The following DLC1 variants were observed in gnomAD, a reference collection of about 807,000 sequenced individuals.
DLC1 encodes the protein rho GTPase-activating protein 7.
Under a neutral mutation model 140.3 loss-of-function variants are expected in DLC1, and 54 were observed. The observed-to-expected ratio is 0.38, with a 90% CI of 0.31 to 0.48. The LOEUF (loss-of-function observed/expected upper bound fraction) is 0.48, where lower values mean the gene tolerates loss of function less well. DLC1 is among the 20% of genes least tolerant of loss of function. The probability of loss-of-function intolerance (pLI) is 0.96; values close to 1 mark genes in which losing one functional copy is unlikely to be tolerated. For missense variants in DLC1, 2,536 were observed against 1,907.0 expected (o/e 1.33, Z -6.14); for synonymous variants, 986 against 728.1 (o/e 1.35, Z -5.70).
At chr8:13,276,539 C>T in intron 5 of DLC1, 1 of 1,289,314 alleles carries the variant, frequency 7.8e-7, no homozygotes, top group Non-Finnish European at 9.8e-7. Flanking sequence ...CCCCGGGAAG[C>T]GCCAACTGCA....
intron 4 of DLC1, among the ~76,000 whole-genome samples, chr8:13,369,302 C>G (rs544047326): frequency 6.9e-6 from 1 of 145,722 alleles, no homozygotes; most frequent in Non-Finnish European, 1.5e-5. Flanking sequence ...TTCTATTTAA[C>G]CTATTGATAC....
intron 5 of DLC1, among the ~76,000 whole-genome samples, chr8:13,180,717 A>G (rs1311499152): frequency 6.6e-6 from 1 of 152,216 alleles, no homozygotes; most frequent in African/African-American, 2.4e-5. Flanking sequence ...TAACATGCCT[A>G]TATAATCCTA....
intron 5 of DLC1, among the ~76,000 whole-genome samples, chr8:13,144,423 T>C (rs1194481934): frequency 1.3e-5 from 2 of 152,142 alleles, no homozygotes; most frequent in Non-Finnish European, 2.9e-5. Flanking sequence ...GGATGGTGTA[T>C]TATGGGACTT....
chr8:13,443,657 CAAAAAAAA>C (rs11321891), intron 2 of DLC1, among the ~76,000 whole-genome samples: 2 of 67,034 alleles, frequency 3.0e-5, no homozygotes, highest in African/African-American at 9.1e-5. Context: ...GACTCCGTCT[CAAAAAAAA>C]AAAAAAAAAA....
At chr8:13,186,696 G>T (rs577791164) in intron 5 of DLC1, among the ~76,000 whole-genome samples, 1 of 152,292 alleles carries the variant, frequency 6.6e-6, no homozygotes, top group African/African-American at 2.4e-5. Context: ...TCCGTTGCTG[G>T]CAAGGAGCTG....
Position 13,567,280 on chromosome 8 carries a change from A to G in DLC1, c.-126+37257T>C, listed in dbSNP as rs1018435318. 7.7e-6 allele frequency: 12 copies of G among 1,551,610 alleles called. No homozygotes were observed. The African/African-American group carries it at 1.1e-4, about 14-fold the overall frequency. On this transcript the variant is annotated intron_variant, in intron 1 of 1. Coordinates refer to the DLC1 transcript ENST00000631382. ...CAACTACCTCAAGCTCAAAGACTCT[A>G]ACTTTGAACGGCACCAACCAGACAC...
chr8:13,088,445 G>A (rs369956211), intron 16 of DLC1, 42 bp downstream of exon 16: 13 of 1,596,248 alleles, frequency 8.1e-6, no homozygotes, highest in Admixed American at 1.7e-5. Context: ...GTTCATATAT[G>A]GAGTCATCCT....
intron 1 of DLC1, among the ~76,000 whole-genome samples, chr8:13,557,099 C>G (rs527582257): frequency 6.6e-5 from 10 of 152,168 alleles, no homozygotes; most frequent in Non-Finnish European, 1.3e-4. Context: ...TGCTGGGGAA[C>G]TCTGAATGTT....
chr8:13,147,409 C>T (rs904999583), intron 5 of DLC1, among the ~76,000 whole-genome samples: 3 of 152,304 alleles, frequency 2.0e-5, no homozygotes, highest in Middle Eastern at 3.4e-3. Context: ...ATCCCAGTAG[C>T]TTGTGTTCCT....
At chr8:13,194,192 A>T (rs59201083) in intron 5 of DLC1, among the ~76,000 whole-genome samples, 68,677 of 152,078 alleles carry the variant, frequency 0.45, 16,177 homozygotes, top group East Asian at 0.84. Flanking sequence ...TTTTCCAGTA[A>T]ACTAAGGTCC....
At chr8:13,355,685 A>T (rs576461686) in intron 4 of DLC1, among the ~76,000 whole-genome samples, 1 of 152,312 alleles carries the variant, frequency 6.6e-6, no homozygotes, top group African/African-American at 2.4e-5. Context: ...AGTTCATTCC[A>T]TTGCACAATC....
chr8:13,325,060 A>T (rs1354024465), intron 4 of DLC1, among the ~76,000 whole-genome samples: 1 of 152,240 alleles, frequency 6.6e-6, no homozygotes, highest in African/African-American at 2.4e-5. Flanking sequence ...TAGAAAACAG[A>T]TATAACAAAG....
intron 1 of DLC1, among the ~76,000 whole-genome samples, chr8:13,550,061 T>A (rs140761171): frequency 6.3e-4 from 96 of 152,242 alleles, no homozygotes; most frequent in African/African-American, 2.3e-3. Flanking sequence ...CAGGCAACTA[T>A]CCTTACAATA....
intron 5 of DLC1, among the ~76,000 whole-genome samples, chr8:13,242,282 T>C (rs964368135): frequency 2.0e-5 from 3 of 152,182 alleles, no homozygotes; most frequent in Non-Finnish European, 4.4e-5. Flanking sequence ...GAGGAGTCTA[T>C]ATTTATTGTC....
At chr8:13,191,963 A>T (rs975823673) in intron 5 of DLC1, among the ~76,000 whole-genome samples, 1 of 141,444 alleles carries the variant, frequency 7.1e-6, no homozygotes, top group East Asian at 2.1e-4. Context: ...TATTATTTTT[A>T]TGGAGTCTTG....
At chr8:13,396,652 C>T (rs1837057004) in intron 3 of DLC1, among the ~76,000 whole-genome samples, 1 of 152,132 alleles carries the variant, frequency 6.6e-6, no homozygotes, top group Non-Finnish European at 1.5e-5. Context: ...TCAGGTGTGT[C>T]TGACCCCAGA....
At chr8:13,375,729 A>AT (rs1043092226) in intron 4 of DLC1, among the ~76,000 whole-genome samples, 11 of 91,714 alleles carry the variant, frequency 1.2e-4, no homozygotes, top group African/African-American at 5.7e-4. Context: ...ATTTTATTTT[A>AT]TTTTTATTTT....
chr8:13,565,837 C>T (rs956291505), intron 1 of DLC1, among the ~76,000 whole-genome samples: 5 of 152,114 alleles, frequency 3.3e-5, no homozygotes, highest in African/African-American at 4.8e-5. Flanking sequence ...TATAATTTCT[C>T]ACGATAATTA....
chr8:13,092,199 C>T (rs560545344), intron 13 of DLC1, among the ~76,000 whole-genome samples: 271 of 152,286 alleles, frequency 1.8e-3, no homozygotes, highest in Non-Finnish European at 2.7e-3. Context: ...GAGCTGAGAT[C>T]GTGCCATTGC....
Sources: gnomAD v4.1 joint callset for allele counts (sites outside exome capture counted in the v4.1 genomes callset) on GRCh38, gnomAD v4.1.1 for gene constraint, MANE v1.5 for transcripts, NCBI Gene and HGNC (gene_info 2026-07-23, HGNC 2026-07-21) for gene names.